LRRC7: variants seen among roughly 807,000 people sequenced by gnomAD.
LRRC7 encodes leucine-rich repeat-containing protein 7.
In LRRC7, 23 loss-of-function variants were observed where a neutral mutation model predicts 175.7. The observed-to-expected ratio is 0.13, with a 90% CI of 0.09 to 0.19. The LOEUF is 0.19. Among genes scored for constraint, LRRC7 ranks in the 10% least tolerant of loss-of-function variants. The pLI is 1.00. For synonymous variants in LRRC7, 685 were observed against 680.9 expected (o/e 1.01, Z -0.09); for missense variants, 1,354 against 1,904.7 (o/e 0.71, Z 5.38).
chr1:70,126,698 G>T lies in LRRC7; in HGVS notation c.*4811G>T, dbSNP rs766104075. On this transcript the variant is annotated 3_prime_UTR_variant, in exon 27 of 27. Transcript: ENST00000651989. ...GTGCGCTATGTATAGAAAGCATGTG[G>T]GTCACTATTACAGGAGATCCTGAGT... Among the ~76,000 whole-genome samples, 1 of 152,102 alleles carries T rather than the reference G, an allele frequency of 6.6e-6. No homozygotes were observed. The highest frequency in any genetic ancestry group is 1.5e-5 in the Non-Finnish European group (1 of 68,010).
At chr1:70,018,329 T>C (rs1404999203) in intron 14 of LRRC7, among the ~76,000 whole-genome samples, 1 of 152,072 alleles carries the variant, frequency 6.6e-6, no homozygotes, top group Admixed American at 6.6e-5. Context: ...TGATCTTGCA[T>C]AGCATAAATT....
intron 23 of LRRC7, among the ~76,000 whole-genome samples, chr1:70,054,905 A>G (rs1661037661): frequency 6.6e-6 from 1 of 151,862 alleles, no homozygotes. Flanking sequence ...TCTACTTTCT[A>G]AGCTCATGAG....
intron 7 of LRRC7, among the ~76,000 whole-genome samples, chr1:69,846,708 G>T (rs1209554567): frequency 4.0e-5 from 6 of 151,664 alleles, no homozygotes; most frequent in African/African-American, 1.5e-4. Context: ...TTTTAAGCTG[G>T]GAAATATATT....
In LRRC7 at chr1:69,669,971, G is replaced by T. The variant is rs79455823; in HGVS notation, c.3-8410G>T. ...AGTTAAATTTGTCTGATAAAATTCT[G>T]AATTCCTTCACTGTGTTACCTTGAA... On this transcript the variant is annotated intron_variant, in intron 1 of 26. Transcript: ENST00000651989. Among the ~76,000 whole-genome samples the T allele has an allele frequency of 2.4e-3, 371 of 152,128 alleles. 1 individual carries two copies. Among genetic ancestry groups the T allele is most frequent in the African/African-American group, 8.7e-3 (362 of 41,512 alleles).
chr1:69,762,178 T>C (rs2100946553), intron 3 of LRRC7, among the ~76,000 whole-genome samples: 1 of 152,170 alleles, frequency 6.6e-6, no homozygotes, highest in African/African-American at 2.4e-5. Flanking sequence ...AATCTGGTCA[T>C]TTTAAATCTT....
At chr1:69,664,760 T>C (rs1658025613) in intron 1 of LRRC7, among the ~76,000 whole-genome samples, 1 of 152,276 alleles carries the variant, frequency 6.6e-6, no homozygotes, top group East Asian at 1.9e-4. Context: ...GGGTTGTTGT[T>C]TCACTTTGTT....
intron 7 of LRRC7, among the ~76,000 whole-genome samples, chr1:69,909,743 T>C (rs946765271): frequency 6.6e-6 from 1 of 152,144 alleles, no homozygotes; most frequent in African/African-American, 2.4e-5. Flanking sequence ...TTGACAATTA[T>C]GTGTCTTGGA....
At chr1:69,983,125 G>A (rs1285009745) in intron 9 of LRRC7, among the ~76,000 whole-genome samples, 1 of 152,170 alleles carries the variant, frequency 6.6e-6, no homozygotes, top group Non-Finnish European at 1.5e-5. Flanking sequence ...TAACATGATA[G>A]TTCCTTGGGA....
intron 24 of LRRC7, among the ~76,000 whole-genome samples, chr1:70,086,110 CTTAT>C (rs947139543): frequency 1.6e-4 from 24 of 151,608 alleles, no homozygotes; most frequent in African/African-American, 4.4e-4. Flanking sequence ...AGCCTTTATT[CTTAT>C]TTATTTATTT....
chr1:69,710,325 G>T (rs1323735920), intron 2 of LRRC7, among the ~76,000 whole-genome samples: 1 of 150,864 alleles, frequency 6.6e-6, no homozygotes, highest in African/African-American at 2.4e-5. Flanking sequence ...GTCAAGACAG[G>T]TTACCCAGAG....
intron 13 of LRRC7, 111 bp downstream of exon 13, chr1:70,013,200 G>T: frequency 1.2e-5 from 6 of 497,286 alleles, no homozygotes; most frequent in Non-Finnish European, 2.2e-5. Context: ...TATACGGAAT[G>T]CAAATACTGA....
chr1:69,771,150 A>G (rs562128255), intron 3 of LRRC7, among the ~76,000 whole-genome samples: 1 of 152,222 alleles, frequency 6.6e-6, no homozygotes, highest in Non-Finnish European at 1.5e-5. Flanking sequence ...CTTTTTTTCC[A>G]TATATGTTCT....
At chr1:69,605,786 T>C (rs1475152503) in intron 1 of LRRC7, among the ~76,000 whole-genome samples, 1 of 152,088 alleles carries the variant, frequency 6.6e-6, no homozygotes, top group East Asian at 1.9e-4. Context: ...ACACATACAC[T>C]CAAGTAAGAG....
At chr1:69,644,672 T>G (rs1480113318) in intron 1 of LRRC7, among the ~76,000 whole-genome samples, 1 of 151,948 alleles carries the variant, frequency 6.6e-6, no homozygotes, top group Non-Finnish European at 1.5e-5. Flanking sequence ...AGTAAACACT[T>G]CCCAATTAAC....
At chr1:69,602,464 C>A (rs1239959424) in intron 1 of LRRC7, among the ~76,000 whole-genome samples, 2 of 146,560 alleles carry the variant, frequency 1.4e-5, no homozygotes. Flanking sequence ...TAAAGTGGAA[C>A]ATTTTAAATA....
intron 1 of LRRC7, among the ~76,000 whole-genome samples, chr1:69,576,996 G>A (rs980284721): frequency 6.6e-6 from 1 of 152,118 alleles, no homozygotes; most frequent in African/African-American, 2.4e-5. Context: ...AATATAAGGA[G>A]GATGGACGTT....
rs1242185886 is a variant in LRRC7 at position 70,132,475 on chromosome 1, T to G, written c.*10588T>G. ...TTCTTTTCTTTTTTTTTTTTTTTTT[T>G]TTTTTTTTGAGACGGAGTCTCACTC... On this transcript the variant is annotated 3_prime_UTR_variant, in exon 27 of 27. Transcript: ENST00000651989. Among the ~76,000 whole-genome samples the G allele has an allele frequency of 2.9e-5, 4 of 136,998 alleles. No individual in the cohort carries two copies. The East Asian group carries it at 8.5e-4, about 29-fold the overall frequency. The allele number at this position is 136,998 out of a possible 152,430, so 89.9% of individuals were successfully genotyped here.
intron 1 of LRRC7, among the ~76,000 whole-genome samples, chr1:69,660,339 T>C (rs1657271662): frequency 1.3e-5 from 2 of 151,964 alleles, no homozygotes; most frequent in Admixed American, 6.6e-5. Flanking sequence ...AAATTAACTA[T>C]CATATTGGGG....
At chr1:69,686,002 A>G (rs1350301821) in intron 2 of LRRC7, among the ~76,000 whole-genome samples, 1 of 152,184 alleles carries the variant, frequency 6.6e-6, no homozygotes, top group Non-Finnish European at 1.5e-5. Flanking sequence ...CACATTACAT[A>G]TAAAGGAACA....
Sources: gnomAD v4.1 joint callset for allele counts (sites outside exome capture counted in the v4.1 genomes callset) on GRCh38, gnomAD v4.1.1 for gene constraint, MANE v1.5 for transcripts, NCBI Gene and HGNC (gene_info 2026-07-23, HGNC 2026-07-21) for gene names.